HPSE2: variants seen among roughly 807,000 people sequenced by gnomAD.
HPSE2 encodes the protein heparanase 2 (inactive).
A neutral mutation model predicts 60.5 loss-of-function variants in HPSE2; 38 were observed. The observed-to-expected ratio is 0.63, with a 90% CI of 0.48 to 0.82. HPSE2 has a LOEUF of 0.82. Among genes scored for constraint, HPSE2 ranks in the 40% least tolerant of loss-of-function variants. The pLI, the probability that HPSE2 is intolerant of heterozygous loss-of-function variation, is 0.00. For synonymous variants in HPSE2, 295 were observed against 293.2 expected (o/e 1.01, Z -0.06); for missense variants, 713 against 740.4 (o/e 0.96, Z 0.43).
chr10:98,910,330 T>G (rs1255596315), intron 3 of HPSE2, among the ~76,000 whole-genome samples: 1 of 152,094 alleles, frequency 6.6e-6, no homozygotes, highest in Non-Finnish European at 1.5e-5. Context: ...TCAAGAAGGT[T>G]TATGAGTCAC....
At chr10:98,688,870 A>C (rs1947999151) in intron 6 of HPSE2, among the ~76,000 whole-genome samples, 1 of 151,908 alleles carries the variant, frequency 6.6e-6, no homozygotes, top group Admixed American at 6.6e-5. Flanking sequence ...TTTTTGCTGG[A>C]TATAGAATTC....
intron 3 of HPSE2, among the ~76,000 whole-genome samples, chr10:99,014,812 T>C (rs1342244333): frequency 1.3e-5 from 2 of 152,074 alleles, no homozygotes; most frequent in Non-Finnish European, 2.9e-5. Context: ...AAAGACAAAA[T>C]TGACAAATGG....
chr10:99,019,263 C>A (rs1000110618), intron 3 of HPSE2, among the ~76,000 whole-genome samples: 1 of 152,142 alleles, frequency 6.6e-6, no homozygotes, highest in Non-Finnish European at 1.5e-5. Context: ...TTCAGCATAA[C>A]GACAGATGAA....
chr10:99,301,630 A>G, the HPSE2 span, among the ~76,000 whole-genome samples: 1 of 152,180 alleles, frequency 6.6e-6, no homozygotes, highest in Non-Finnish European at 1.5e-5. Flanking sequence ...ATCCTAACTC[A>G]AAGGTTAGGG....
chr10:98,939,560 A>G (rs545172193), intron 3 of HPSE2, among the ~76,000 whole-genome samples: 1 of 143,910 alleles, frequency 6.9e-6, no homozygotes, highest in South Asian at 2.1e-4. Flanking sequence ...CACCCAATAC[A>G]GGAGCACCCA....
At chr10:98,597,541 T>C (rs1945274612) in intron 9 of HPSE2, among the ~76,000 whole-genome samples, 1 of 151,020 alleles carries the variant, frequency 6.6e-6, no homozygotes, top group Non-Finnish European at 1.5e-5. Context: ...TGTGGTGGCA[T>C]GTGCCTGTAG....
chr10:98,921,031 T>C (rs1249706388), intron 3 of HPSE2, among the ~76,000 whole-genome samples: 2 of 152,194 alleles, frequency 1.3e-5, no homozygotes, highest in Non-Finnish European at 2.9e-5. Context: ...GCAGGCTCTG[T>C]ACTCCTACAC....
the HPSE2 span, among the ~76,000 whole-genome samples, chr10:99,301,945 T>C: frequency 2.6e-5 from 4 of 151,692 alleles, no homozygotes; most frequent in African/African-American, 7.3e-5. Context: ...CCAAAGTTCA[T>C]GTCCCAGGAA....
chr10:98,982,379 A>T (rs1564709526), intron 3 of HPSE2, among the ~76,000 whole-genome samples: 1 of 152,254 alleles, frequency 6.6e-6, no homozygotes, highest in African/African-American at 2.4e-5. Context: ...TAGGGGTAAC[A>T]GAAAGCTTTA....
At chr10:98,767,174 T>C (rs1950138520) in intron 3 of HPSE2, among the ~76,000 whole-genome samples, 1 of 152,158 alleles carries the variant, frequency 6.6e-6, no homozygotes, top group Admixed American at 6.5e-5. Context: ...GTTTTCTCTC[T>C]CCAGAGAAGC....
chr10:98,526,669 G>T (rs1942976263), intron 9 of HPSE2, among the ~76,000 whole-genome samples: 1 of 152,198 alleles, frequency 6.6e-6, no homozygotes, highest in African/African-American at 2.4e-5. Flanking sequence ...ACACTAATGG[G>T]ACGAAGGACG....
At chr10:98,791,727 T>C (rs561334085) in intron 3 of HPSE2, among the ~76,000 whole-genome samples, 2 of 152,314 alleles carry the variant, frequency 1.3e-5, no homozygotes, top group Admixed American at 6.5e-5. Context: ...CTTTTTCTTA[T>C]ATTGTCTACT....
rs762163579 is a variant in HPSE2 at position 98,614,953 on chromosome 10, A to T, written c.1271T>A (p.Phe424Tyr). 10 of 1,614,140 alleles carry T rather than the reference A, an allele frequency of 6.2e-6. No individual in the cohort carries two copies. In the Admixed American group the frequency reaches 1.7e-4, roughly 27 times the overall value. Residue 424 changes from phenylalanine (F) to tyrosine (Y), a missense_variant, in exon 9 of 12, where the codon TTT (phenylalanine) becomes TAT (tyrosine). Coordinates refer to ENST00000370552, the MANE Select transcript of HPSE2 (RefSeq NM_021828.5). ...GIDVVIRHSF[F>Y]DHGYNHLVDQ... ...CACGAGGTGATTGTATCCATGGTCA[A>T]AAAATGAGTGCCGTATCACGACATC... is the stretch of plus-strand genomic sequence containing the variant.
chr10:99,175,984 G>A (rs370269607), intron 2 of HPSE2, among the ~76,000 whole-genome samples: 3 of 152,208 alleles, frequency 2.0e-5, no homozygotes, highest in Admixed American at 2.0e-4. Flanking sequence ...CAAATGGCCT[G>A]GAGTGGACCT....
At chr10:98,821,297 A>T (rs1951417648) in intron 3 of HPSE2, among the ~76,000 whole-genome samples, 1 of 152,184 alleles carries the variant, frequency 6.6e-6, no homozygotes, top group Non-Finnish European at 1.5e-5. Context: ...GCTTCTACAT[A>T]CCTAGTTATA....
At chr10:99,217,307 T>G (rs1849162546) in intron 2 of HPSE2, among the ~76,000 whole-genome samples, 1 of 150,972 alleles carries the variant, frequency 6.6e-6, no homozygotes, top group Admixed American at 6.6e-5. Context: ...GCATCTTATT[T>G]CTTACTAGAT....
At chr10:98,845,820 G>A (rs1952020842) in intron 3 of HPSE2, among the ~76,000 whole-genome samples, 1 of 152,198 alleles carries the variant, frequency 6.6e-6, no homozygotes, top group African/African-American at 2.4e-5. Flanking sequence ...TGGGTAATTT[G>A]CAGGCTGAAG....
chr10:98,808,352 T>C (rs1951090025), intron 3 of HPSE2, among the ~76,000 whole-genome samples: 1 of 152,172 alleles, frequency 6.6e-6, no homozygotes, highest in South Asian at 2.1e-4. Context: ...GATTATTCCT[T>C]AGAAACGTTT....
chr10:99,185,331 C>A (rs1847963240), intron 2 of HPSE2, among the ~76,000 whole-genome samples: 1 of 151,346 alleles, frequency 6.6e-6, no homozygotes, highest in Non-Finnish European at 1.5e-5. Context: ...ACACAAACTT[C>A]TAAACTAAAT....
Sources: gnomAD v4.1 joint callset for allele counts (sites outside exome capture counted in the v4.1 genomes callset) on GRCh38, gnomAD v4.1.1 for gene constraint, MANE v1.5 for transcripts, NCBI Gene and HGNC (gene_info 2026-07-23, HGNC 2026-07-21) for gene names.